Variants in SHISA6 observed in about 807,000 individuals in gnomAD.
The protein encoded by SHISA6 is shisa family member 6.
Under a neutral mutation model 47.9 loss-of-function variants are expected in SHISA6, and 22 were observed. The observed-to-expected ratio is 0.46, with a 90% CI of 0.33 to 0.66. The LOEUF is 0.66. Ranked by LOEUF, SHISA6 falls within the 30% of genes least tolerant of loss-of-function variation. SHISA6 has a pLI of 0.02. For missense variants in SHISA6, 680 were observed against 764.6 expected (o/e 0.89, Z 1.30); for synonymous variants, 388 against 337.8 (o/e 1.15, Z -1.63).
intron 3 of SHISA6, among the ~76,000 whole-genome samples, chr17:11,436,004 T>C (rs1422163148): frequency 2.0e-5 from 3 of 152,202 alleles, no homozygotes; most frequent in African/African-American, 7.2e-5. Context: ...GAGTATCTAA[T>C]ACATAGGCAG....
intron 5 of SHISA6, among the ~76,000 whole-genome samples, chr17:11,556,403 G>A (rs953433661): frequency 3.3e-5 from 5 of 152,186 alleles, no homozygotes; most frequent in African/African-American, 1.2e-4. Flanking sequence ...AGTTTATCCA[G>A]TGATGCCAGC....
intron 2 of SHISA6, among the ~76,000 whole-genome samples, chr17:11,364,895 G>A (rs529424400): frequency 1.3e-5 from 2 of 152,158 alleles, no homozygotes; most frequent in African/African-American, 4.8e-5. Context: ...AGCCATTCTG[G>A]TGAGTGTAAG....
chr17:11,277,280 T>TCTCTCTCTCTCACACACACACA (rs1386997909), intron 2 of SHISA6, among the ~76,000 whole-genome samples: 38 of 53,906 alleles, frequency 7.0e-4, no homozygotes, highest in Non-Finnish European at 6.7e-4. Context: ...TCTCTCTCTC[T>TCTCTCTCTCTCACACACACACA]CACACACACA....
At chr17:11,334,248 G>C (rs1375903246) in intron 2 of SHISA6, among the ~76,000 whole-genome samples, 2 of 152,112 alleles carry the variant, frequency 1.3e-5, no homozygotes, top group African/African-American at 4.8e-5. Flanking sequence ...CTAACTCTAG[G>C]TAGTAAATAT....
intron 3 of SHISA6, among the ~76,000 whole-genome samples, chr17:11,525,712 T>G (rs944037541): frequency 6.6e-6 from 1 of 150,496 alleles, no homozygotes; most frequent in African/African-American, 2.4e-5. Flanking sequence ...TTTTAAGGGT[T>G]GTTTTATATA....
intron 5 of SHISA6, 28 bp from the exon 6 acceptor site, chr17:11,557,726 C>T: frequency 6.6e-7 from 1 of 1,509,896 alleles, no homozygotes; most frequent in South Asian, 1.3e-5. Context: ...CCCCAGTTGC[C>T]TTCTCTCACT....
rs1909743151 is a variant in SHISA6, at chr17:11,296,066, C to A, written c.799+32540C>A. Among the ~76,000 whole-genome samples the A allele has an allele frequency of 2.6e-5, 4 of 151,598 alleles. No individual in the cohort carries two copies. The South Asian group carries it at 8.3e-4, about 32-fold the overall frequency. ...CAGAGAGCTTGGTTTGCTCTAGGAA[C>A]TGTCAGAAGACCAGTGTGACTCCTG... On this transcript the variant is annotated intron_variant, in intron 2 of 5. Coordinates refer to ENST00000441885, the MANE Select transcript of SHISA6 (RefSeq NM_207386.4).
rs117452587 is a variant in SHISA6 at position 11,285,893 on chromosome 17, A to G, written c.799+22367A>G. 8.1e-3 allele frequency among the ~76,000 whole-genome samples: 1,220 copies of G among 150,618 alleles called. 12 individuals carry two copies. The highest frequency in any genetic ancestry group is 0.014 in the Non-Finnish European group (925 of 67,754). Reference sequence around the variant, plus strand: ...ACTCTGTAGCCCAGGCAGGAGTGCAATGGCGCGATCTTGGCTCACTGCAAC... The same window carrying G: ...ACTCTGTAGCCCAGGCAGGAGTGCAGTGGCGCGATCTTGGCTCACTGCAAC... On this transcript the variant is annotated intron_variant, in intron 2 of 5. Coordinates refer to ENST00000441885, the MANE Select transcript of SHISA6 (RefSeq NM_207386.4).
At chr17:11,403,343 T>C (rs1034899) in intron 3 of SHISA6, among the ~76,000 whole-genome samples, 53,055 of 152,110 alleles carry the variant, frequency 0.35, 9,624 homozygotes, top group Non-Finnish European at 0.42. Flanking sequence ...ATGCAAATAC[T>C]ACCACAGAGC....
intron 1 of SHISA6, among the ~76,000 whole-genome samples, chr17:11,258,781 A>G (rs981470091): frequency 2.0e-5 from 3 of 152,226 alleles, no homozygotes; most frequent in Non-Finnish European, 2.9e-5. Flanking sequence ...TGAATGACAC[A>G]CTAAGGTGAA....
chr17:11,246,360 T>C (rs1907591291), intron 1 of SHISA6, among the ~76,000 whole-genome samples: 1 of 152,074 alleles, frequency 6.6e-6, no homozygotes, highest in East Asian at 1.9e-4. Context: ...TGTGGTGGCA[T>C]GCGCCTGTAG....
At chr17:11,442,240 TGTAAGTGAA>T (rs1243392994) in intron 3 of SHISA6, among the ~76,000 whole-genome samples, 6 of 151,966 alleles carry the variant, frequency 3.9e-5, no homozygotes, top group Non-Finnish European at 5.9e-5. Flanking sequence ...GGCACATGAA[TGTAAGTGAA>T]TGCTGGGCTG....
chr17:11,533,307 T>G (rs1282672947), intron 3 of SHISA6, among the ~76,000 whole-genome samples: 1 of 152,144 alleles, frequency 6.6e-6, no homozygotes, highest in Non-Finnish European at 1.5e-5. Flanking sequence ...TGGTTAATTC[T>G]TAGAAAACAA....
intron 5 of SHISA6, among the ~76,000 whole-genome samples, chr17:11,557,079 T>C (rs1475942586): frequency 1.3e-5 from 2 of 151,880 alleles, no homozygotes; most frequent in Admixed American, 1.3e-4. Context: ...ACAGGTGGAG[T>C]GTGTGTAGGC....
At chr17:11,312,291 T>A (rs1049292698) in intron 2 of SHISA6, among the ~76,000 whole-genome samples, 1 of 152,216 alleles carries the variant, frequency 6.6e-6, no homozygotes, top group African/African-American at 2.4e-5. Context: ...ATCATGTTTT[T>A]GTTTAATTAT....
At chr17:11,419,495 T>C (rs1914390308) in intron 3 of SHISA6, among the ~76,000 whole-genome samples, 1 of 152,146 alleles carries the variant, frequency 6.6e-6, no homozygotes, top group Non-Finnish European at 1.5e-5. Flanking sequence ...TAAAGAGATG[T>C]GGTTAAATTT....
intron 2 of SHISA6, among the ~76,000 whole-genome samples, chr17:11,342,767 G>T (rs1438890122): frequency 6.6e-6 from 1 of 152,190 alleles, no homozygotes; most frequent in African/African-American, 2.4e-5. Flanking sequence ...CACAGGCAAG[G>T]TCCTCATACT....
intron 3 of SHISA6, among the ~76,000 whole-genome samples, chr17:11,495,318 AC>A (rs2071399244): frequency 1.3e-5 from 2 of 151,676 alleles, no homozygotes; most frequent in East Asian, 3.9e-4. Flanking sequence ...CTTCCTTCTC[AC>A]CTTTCCTGGG....
At chr17:11,287,401 C>A (rs958108927) in intron 2 of SHISA6, among the ~76,000 whole-genome samples, 2 of 151,552 alleles carry the variant, frequency 1.3e-5, no homozygotes, top group African/African-American at 4.9e-5. Context: ...TTTGCTCTTC[C>A]CTGGCCAGAC....
Sources: gnomAD v4.1 joint callset for allele counts (sites outside exome capture counted in the v4.1 genomes callset) on GRCh38, gnomAD v4.1.1 for gene constraint, MANE v1.5 for transcripts, NCBI Gene and HGNC (gene_info 2026-07-23, HGNC 2026-07-21) for gene names.